Variants in WAPL observed in about 807,000 individuals in gnomAD.
The protein encoded by WAPL is wings apart-like protein homolog.
WAPL carries 5 observed loss-of-function variants against 121.0 expected under a neutral mutation model. That is an observed-to-expected ratio of 0.04 (90% CI 0.02 to 0.09). The LOEUF is 0.09. Ranked by LOEUF, WAPL falls within the 10% of genes least tolerant of loss-of-function variation. The probability of loss-of-function intolerance (pLI) is 1.00; values close to 1 mark genes in which losing one functional copy is unlikely to be tolerated. For missense variants in WAPL, 999 were observed against 1,410.8 expected, an observed-to-expected ratio of 0.71 and a Z score of 4.68; for synonymous variants, 480 against 481.5, an observed-to-expected ratio of 1.00 and a Z score of 0.04.
Position 86,472,847 on chromosome 10 carries a change from C to A in WAPL, c.1741-83G>T. On this transcript the variant is annotated intron_variant, in intron 5 of 18. Transcript: ENST00000298767. The surrounding 1 kb of genome is among the most constrained non-coding windows in gnomAD (Gnocchi z 4.2). Reference sequence around the variant, plus strand: ...CTCATCTATCTGGCAAATTCAGCTTCAAAAAAAAGTAAATAAAGCTTTTTA... The same window carrying A: ...CTCATCTATCTGGCAAATTCAGCTTAAAAAAAAAGTAAATAAAGCTTTTTA... 1.5e-6 allele frequency: 2 copies of A among 1,354,872 alleles called. No homozygotes were observed. The highest frequency in any genetic ancestry group is 2.0e-6 in the Non-Finnish European group (2 of 1,018,628). The allele number at this position is 1,354,872 out of a possible 1,614,324, so 83.9% of individuals were successfully genotyped here.
intron 2 of WAPL, among the ~76,000 whole-genome samples, chr10:86,512,426 C>T (rs1842482408): frequency 6.6e-6 from 1 of 152,210 alleles, no homozygotes; most frequent in African/African-American, 2.4e-5. Flanking sequence ...TAAGTCTTTG[C>T]ACACTTTATT....
chr10:86,467,470 G>A lies in WAPL; in HGVS notation c.2179C>T (p.Leu727=). 6.2e-7 allele frequency: 1 copy of A among 1,613,596 alleles called. No homozygotes were observed. Among genetic ancestry groups the A allele is most frequent in the Non-Finnish European group, 8.5e-7 (1 of 1,179,910 alleles). ...TCCATGTTCAAACGATCTCTACTCAGTATATACATGAGGGCAGCTGTACAG... is the reference window on the plus strand; with the variant it reads ...TCCATGTTCAAACGATCTCTACTCAATATATACATGAGGGCAGCTGTACAG... The part of the protein sequence containing the change: ...SLCTAALMYI[L]SRDRLNMDLD... The change falls in exon 9 of 19, where the codon CTG becomes TTG. Residue 727 remains leucine (L), a synonymous_variant. Coordinates refer to ENST00000298767, the MANE Select transcript of WAPL (RefSeq NM_015045.5).
chr10:86,456,317 A>T (rs1841144510), intron 12 of WAPL, among the ~76,000 whole-genome samples: 1 of 151,888 alleles, frequency 6.6e-6, no homozygotes, highest in South Asian at 2.1e-4. Context: ...ACTATTCTGT[A>T]TATTGCATGA....
intron 4 of WAPL, among the ~76,000 whole-genome samples, chr10:86,492,882 C>A (rs1288786124): frequency 6.6e-6 from 1 of 151,952 alleles, no homozygotes; most frequent in Non-Finnish European, 1.5e-5. Flanking sequence ...ACTGTGAAAC[C>A]CCGTCTCTAC....
At chr10:86,518,989 T>C (rs1842615867) in intron 1 of WAPL, among the ~76,000 whole-genome samples, 1 of 152,262 alleles carries the variant, frequency 6.6e-6, no homozygotes, top group African/African-American at 2.4e-5. Flanking sequence ...GCTCATTTGC[T>C]GAGTTATATT....
At chr10:86,487,590 T>TA (rs1274923085) in intron 4 of WAPL, among the ~76,000 whole-genome samples, 12 of 152,098 alleles carry the variant, frequency 7.9e-5, no homozygotes, top group Admixed American at 4.6e-4. Context: ...CACGTATGCT[T>TA]AAGAGTTCAT....
chr10:86,467,593 G>T, intron 8 of WAPL, 87 bp from the exon 9 acceptor site: 4 of 990,244 alleles, frequency 4.0e-6, no homozygotes, highest in South Asian at 1.8e-5. Flanking sequence ...AATGACTTTT[G>T]TTTACAAGTT....
Position 86,437,450 on chromosome 10 carries a change from G to A in WAPL, c.*93C>T, listed in dbSNP as rs1849351903. On this transcript the variant is annotated 3_prime_UTR_variant, in exon 19 of 19. Transcript: ENST00000298767. ...ACGAATGATACTGATGAATGTTCTTGGTATATCTTCAAGGACTTCTTTCAT... is the reference window on the plus strand; with the variant it reads ...ACGAATGATACTGATGAATGTTCTTAGTATATCTTCAAGGACTTCTTTCAT... 6.9e-6 allele frequency: 9 copies of A among 1,302,750 alleles called. No individual in the cohort carries two copies. In the South Asian group the frequency reaches 1.2e-4, roughly 18 times the overall value. 80.7% of individuals were successfully genotyped at this position (1,302,750 alleles called of 1,614,324 possible). A position where few individuals can be genotyped will look rare whatever the true frequency, so the allele number is the denominator to read the frequency against.
intron 15 of WAPL, 90 bp from the exon 16 acceptor site, chr10:86,446,539 C>G: frequency 7.8e-7 from 1 of 1,288,454 alleles, no homozygotes; most frequent in Non-Finnish European, 1.1e-6. Context: ...GCTTTTAAAT[C>G]TATCACTAAC....
Position 86,515,163 on chromosome 10 carries a change from G to C in WAPL, c.499+2408C>G, listed in dbSNP as rs892640795. 7.9e-5 allele frequency among the ~76,000 whole-genome samples: 12 copies of C among 151,870 alleles called. No homozygotes were observed. The South Asian group carries it at 2.5e-3, about 32-fold the overall frequency. On this transcript the variant is annotated intron_variant, in intron 2 of 18. Transcript: ENST00000298767. ...AAATCCCAGCTACTCGGGGGGACTG[G>C]GGCAGGAGAATTGCTTGAACCCGAG... is the stretch of plus-strand genomic sequence containing the variant.
chr10:86,458,206 A>G (rs553989149), intron 12 of WAPL, among the ~76,000 whole-genome samples: 1 of 152,374 alleles, frequency 6.6e-6, no homozygotes, highest in Admixed American at 6.5e-5. Flanking sequence ...AGTTAACTCC[A>G]TGTGGTATTG....
intron 15 of WAPL, among the ~76,000 whole-genome samples, chr10:86,449,795 A>G (rs540328182): frequency 1.3e-5 from 2 of 152,328 alleles, no homozygotes; most frequent in East Asian, 1.9e-4. Context: ...ATAGAAAAAA[A>G]TAAAACAAGA....
chr10:86,494,336 C>T (rs571290983), intron 4 of WAPL, among the ~76,000 whole-genome samples: 1 of 152,246 alleles, frequency 6.6e-6, no homozygotes, highest in Non-Finnish European at 1.5e-5. Context: ...AAGTTGCAAG[C>T]CAAACTAGCT....
chr10:86,482,236 T>C (rs1387676952), intron 4 of WAPL, among the ~76,000 whole-genome samples: 1 of 152,184 alleles, frequency 6.6e-6, no homozygotes, highest in Non-Finnish European at 1.5e-5. Context: ...GAAAGAACCC[T>C]GGGCTCTCAC....
chr10:86,437,569 C>T lies in WAPL; in HGVS notation c.3547G>A (p.Val1183Met), dbSNP rs1168982764. The change falls in exon 19 of 19, where the codon GTG (valine) becomes ATG (methionine). Residue 1183 changes from valine to methionine, a missense_variant. By Grantham distance (21) the Val-to-Met change is conservative. Transcript: ENST00000298767. Reference sequence around the variant, plus strand: ...TAGCAATGTTCCAAATATTCAATCACTCTAGAGATAGATTTCTGGCCAGTT... The same window carrying T: ...TAGCAATGTTCCAAATATTCAATCATTCTAGAGATAGATTTCTGGCCAGTT... ...GTTGQKSISR[V>M]IEYLEHC 1 of 1,613,982 alleles carries T rather than the reference C, an allele frequency of 6.2e-7. No individual in the cohort carries two copies. Among genetic ancestry groups the T allele is most frequent in the Non-Finnish European group, 8.5e-7 (1 of 1,179,978 alleles).
intron 2 of WAPL, among the ~76,000 whole-genome samples, chr10:86,515,152 C>T (rs1171698687): frequency 6.7e-6 from 1 of 150,268 alleles, no homozygotes; most frequent in Non-Finnish European, 1.5e-5. Context: ...CCCAGCTACT[C>T]GGGGGGACTG....
intron 5 of WAPL, 44 bp downstream of exon 5, chr10:86,473,834 T>C (rs774452364): frequency 7.7e-6 from 11 of 1,427,526 alleles, no homozygotes; most frequent in African/African-American, 5.6e-5. Context: ...GCTTAATTTA[T>C]AGCTTATTAA....
At chr10:86,505,353 G>A (rs1287251526) in intron 2 of WAPL, among the ~76,000 whole-genome samples, 1 of 123,570 alleles carries the variant, frequency 8.1e-6, no homozygotes, top group Non-Finnish European at 1.6e-5. Context: ...CTGTCAATAA[G>A]GCAGTGGTGC....
chr10:86,435,723 C>G lies in WAPL; in HGVS notation c.*1820G>C, dbSNP rs1473984735. 2 of 152,424 alleles carry G rather than the reference C, an allele frequency of 1.3e-5. No homozygotes were observed. Among genetic ancestry groups the G allele is most frequent in the Admixed American group, 1.3e-4 (2 of 15,250 alleles). The allele number at this position is 152,424 out of a possible 1,614,324, so 9.4% of individuals were successfully genotyped here. Reference sequence around the variant, plus strand: ...AATTTTCAAATGATTACCAGTGTAACAGAAAAATGCAGTTCGCCCTGATTG... The same window carrying G: ...AATTTTCAAATGATTACCAGTGTAAGAGAAAAATGCAGTTCGCCCTGATTG... On this transcript the variant is annotated 3_prime_UTR_variant, in exon 19 of 19. Transcript: ENST00000298767.
Sources: gnomAD v4.1 joint callset for allele counts (sites outside exome capture counted in the v4.1 genomes callset) on GRCh38, gnomAD v4.1.1 for gene constraint, Gnocchi (gnomAD v3.1) non-coding constraint, MANE v1.5 for transcripts, NCBI Gene and HGNC (gene_info 2026-07-23, HGNC 2026-07-21) for gene names.